Variants in NRG3 observed in about 807,000 individuals in gnomAD.
NRG3 encodes pro-neuregulin-3, membrane-bound isoform.
NRG3 carries 31 observed loss-of-function variants against 66.9 expected under a neutral mutation model. That is an observed-to-expected ratio of 0.46 (90% CI 0.35 to 0.63). NRG3 has a LOEUF of 0.63. Among genes scored for constraint, NRG3 ranks in the 20% least tolerant of loss-of-function variants. NRG3 has a pLI of 0.00. For missense variants in NRG3, 910 were observed against 878.9 expected, an observed-to-expected ratio of 1.04 and a Z score of -0.45; for synonymous variants, 393 against 359.4, an observed-to-expected ratio of 1.09 and a Z score of -1.06.
chr10:82,401,731 G>A lies in NRG3; in HGVS notation c.953+42863G>A, dbSNP rs546271888. Among the ~76,000 whole-genome samples, 8 of 152,100 alleles carry A rather than the reference G, an allele frequency of 5.3e-5. No individual in the cohort carries two copies. The East Asian group carries it at 1.2e-3, about 22-fold the overall frequency. ...CAAAAATAATTCATTTGAATTATTT[G>A]ATGTTCTTATTTCAGTTTTATTTGA... On this transcript the variant is annotated intron_variant, in intron 2 of 8. Coordinates refer to ENST00000372141, the MANE Select transcript of NRG3 (RefSeq NM_001010848.4).
At chr10:82,971,488 G>C (rs923841146) in intron 6 of NRG3, among the ~76,000 whole-genome samples, 1 of 146,970 alleles carries the variant, frequency 6.8e-6, no homozygotes, top group South Asian at 2.2e-4. Context: ...CCAGGCTGGA[G>C]TACAGTGGCA....
chr10:82,706,224 G>A (rs2056276411), intron 2 of NRG3, among the ~76,000 whole-genome samples: 1 of 152,090 alleles, frequency 6.6e-6, no homozygotes, highest in Non-Finnish European at 1.5e-5. Context: ...TGCTGCCTGT[G>A]GGTGGTTAGG....
At chr10:82,522,288 G>A (rs576285339) in intron 2 of NRG3, among the ~76,000 whole-genome samples, 117 of 151,992 alleles carry the variant, frequency 7.7e-4, no homozygotes, top group Non-Finnish European at 1.1e-3. Flanking sequence ...CAGGTGATCC[G>A]CCTGCCCCAG....
At chr10:82,522,008 A>G (rs943564242) in intron 2 of NRG3, among the ~76,000 whole-genome samples, 1 of 142,942 alleles carries the variant, frequency 7.0e-6, no homozygotes, top group East Asian at 2.1e-4. Flanking sequence ...TGCAGTTTCC[A>G]CCATATCTGC....
chr10:82,174,349 A>G (rs961617667), intron 1 of NRG3, among the ~76,000 whole-genome samples: 3 of 151,690 alleles, frequency 2.0e-5, no homozygotes, highest in African/African-American at 7.3e-5. Context: ...CAGCCACTTA[A>G]ATTTTCCTTG....
At chr10:82,929,171 C>T (rs1004945757) in intron 4 of NRG3, among the ~76,000 whole-genome samples, 2 of 152,238 alleles carry the variant, frequency 1.3e-5, no homozygotes, top group South Asian at 2.1e-4. Flanking sequence ...TTGCTGAATC[C>T]GAATTATAAT....
chr10:82,696,983 C>A (rs1822516534), intron 2 of NRG3, among the ~76,000 whole-genome samples: 1 of 152,212 alleles, frequency 6.6e-6, no homozygotes. Flanking sequence ...GTCAGAGCAT[C>A]TTATTCTGCT....
chr10:82,028,017 G>T (rs982331677), intron 1 of NRG3, among the ~76,000 whole-genome samples: 1 of 152,088 alleles, frequency 6.6e-6, no homozygotes, highest in Non-Finnish European at 1.5e-5. Flanking sequence ...ATTATTAACT[G>T]CTGGGAATAT....
chr10:82,072,940 A>C (rs2064889500), intron 1 of NRG3, among the ~76,000 whole-genome samples: 1 of 151,736 alleles, frequency 6.6e-6, no homozygotes, highest in Non-Finnish European at 1.5e-5. Flanking sequence ...TGACCAGTTA[A>C]TTTTTTAATT....
intron 1 of NRG3, among the ~76,000 whole-genome samples, chr10:82,171,557 G>A (rs905340711): frequency 1.3e-5 from 2 of 152,060 alleles, no homozygotes; most frequent in Non-Finnish European, 2.9e-5. Flanking sequence ...CATCAGAGCA[G>A]GTTAAATTCA....
chr10:82,158,625 T>A (rs2132905985), intron 1 of NRG3, among the ~76,000 whole-genome samples: 1 of 152,034 alleles, frequency 6.6e-6, no homozygotes, highest in South Asian at 2.1e-4. Context: ...ATGCCAGTTG[T>A]GTTGAGGAGT....
At chr10:82,537,797 C>T (rs1384709536) in intron 2 of NRG3, among the ~76,000 whole-genome samples, 1 of 152,062 alleles carries the variant, frequency 6.6e-6, no homozygotes, top group Non-Finnish European at 1.5e-5. Context: ...CACTTGACCT[C>T]AGTTTCTGGT....
chr10:81,902,180 T>C (rs1844141973), intron 1 of NRG3, among the ~76,000 whole-genome samples: 1 of 152,170 alleles, frequency 6.6e-6, no homozygotes, highest in African/African-American at 2.4e-5. Context: ...TAGATCCATA[T>C]CACAGGCATG....
intron 1 of NRG3, among the ~76,000 whole-genome samples, chr10:82,167,447 G>A (rs1274271102): frequency 1.3e-5 from 2 of 152,064 alleles, no homozygotes; most frequent in Non-Finnish European, 2.9e-5. Context: ...AGTGGCAGTG[G>A]CATCCAAAGG....
At chr10:82,926,890 A>G (rs1413218924) in intron 4 of NRG3, among the ~76,000 whole-genome samples, 2 of 152,290 alleles carry the variant, frequency 1.3e-5, no homozygotes, top group South Asian at 2.1e-4. Context: ...ACATGTCTCA[A>G]CTGCACTGTG....
chr10:82,144,379 T>C (rs1394155727), intron 1 of NRG3, among the ~76,000 whole-genome samples: 2 of 152,154 alleles, frequency 1.3e-5, no homozygotes, highest in Non-Finnish European at 2.9e-5. Context: ...TCCTGCTCTC[T>C]CTTGTGCTCG....
chr10:82,340,422 T>C (rs981527725), intron 1 of NRG3, among the ~76,000 whole-genome samples: 1 of 152,202 alleles, frequency 6.6e-6, no homozygotes. Context: ...AGCCAGGCTC[T>C]TGTGTTGCAA....
intron 3 of NRG3, among the ~76,000 whole-genome samples, chr10:82,783,670 A>C (rs2060216094): frequency 6.6e-6 from 1 of 152,196 alleles, no homozygotes; most frequent in Non-Finnish European, 1.5e-5. Flanking sequence ...GGACCTCTTC[A>C]AGGAGAACTA....
At chr10:82,879,958 CTTTTTTTT>C (rs35159008) in intron 4 of NRG3, among the ~76,000 whole-genome samples, 24 of 78,464 alleles carry the variant, frequency 3.1e-4, no homozygotes, top group South Asian at 2.6e-3. Flanking sequence ...GATTTCATCC[CTTTTTTTT>C]TTTTTTTTTT....
Sources: allele counts gnomAD v4.1 joint callset (sites outside exome capture counted in the v4.1 genomes callset), GRCh38; gene constraint gnomAD v4.1.1; transcripts MANE v1.5; gene names NCBI Gene and HGNC (gene_info 2026-07-23, HGNC 2026-07-21).